ALDH9A1: variants seen among roughly 807,000 people sequenced by gnomAD.
ALDH9A1 encodes 4-trimethylaminobutyraldehyde dehydrogenase.
Under a neutral mutation model 56.6 loss-of-function variants are expected in ALDH9A1, and 42 were observed. The observed-to-expected ratio is 0.74, with a 90% CI of 0.58 to 0.96. ALDH9A1 has a LOEUF of 0.96. ALDH9A1 is among the 40% of genes least tolerant of loss of function. ALDH9A1 has a pLI of 0.00. For missense variants in ALDH9A1, 661 were observed against 651.5 expected (o/e 1.01, Z -0.16); for synonymous variants, 242 against 236.0 (o/e 1.03, Z -0.23).
Position 165,680,617 on chromosome 1 carries a change from T to C in ALDH9A1, c.659A>G (p.Tyr220Cys), listed in dbSNP as rs377384593. ...PVSALLLAEI[Y>C]SEAGVPPGLF... ...CCCAGGAGGTACACCAGCCTCACTG[T>C]AGATTTCAGCCAGTAGCAATGCAGA... The change falls in exon 5 of 11, where the codon TAC (tyrosine) becomes TGC (cysteine). Residue 220 changes from tyrosine to cysteine, a missense_variant. Transcript: ENST00000354775. The C allele has an allele frequency of 5.1e-5, 83 of 1,614,130 alleles. 1 individual carries two copies. In the South Asian group the frequency reaches 6.9e-4, roughly 13 times the overall value.
chr1:165,682,175 A>G lies in ALDH9A1; in HGVS notation c.524T>C (p.Val175Ala). The change falls in exon 4 of 11, where the codon GTG (valine) becomes GCG (alanine). Residue 175 changes from valine to alanine, a missense_variant. Physicochemically the swap from Val to Ala is moderately conservative, Grantham distance 64 (BLOSUM62 0). Transcript: ENST00000354775. Reference sequence around the variant, plus strand: ...GGGGTAGTTCCATGCTCCTATTCCCACACATACCCCAAGTGGTTCTCTTCT... The same window carrying G: ...GGGGTAGTTCCATGCTCCTATTCCCGCACATACCCCAAGTGGTTCTCTTCT... ...YTRREPLGVC[V>A]GIGAWNYPFQ... 1.9e-6 allele frequency: 3 copies of G among 1,614,006 alleles called. No individual in the cohort carries two copies. The highest frequency in any genetic ancestry group is 1.7e-6 in the Non-Finnish European group (2 of 1,179,920).
intron 2 of ALDH9A1, among the ~76,000 whole-genome samples, chr1:165,693,280 C>A (rs569465045): frequency 6.6e-6 from 1 of 152,280 alleles, no homozygotes; most frequent in South Asian, 2.1e-4. Flanking sequence ...GAACAGGCAA[C>A]CTACAGAATG....
intron 7 of ALDH9A1, 77 bp downstream of exon 7, chr1:165,669,185 T>A (rs1649097162): frequency 7.0e-7 from 1 of 1,436,694 alleles, no homozygotes; most frequent in Admixed American, 2.2e-5. Flanking sequence ...AATATTAACA[T>A]GAAAAGGGCA....
chr1:165,678,561 T>C (rs991992324), intron 6 of ALDH9A1, among the ~76,000 whole-genome samples: 16 of 152,118 alleles, frequency 1.1e-4, no homozygotes, highest in African/African-American at 3.4e-4. Flanking sequence ...ATAATAAAAA[T>C]TGTTTTCAGC....
intron 6 of ALDH9A1, among the ~76,000 whole-genome samples, chr1:165,677,238 T>A (rs1258441474): frequency 6.6e-6 from 1 of 152,060 alleles, no homozygotes; most frequent in East Asian, 1.9e-4. Context: ...CTGAATGTGG[T>A]GGTGTGCTAC....
At chr1:165,666,221 T>C (rs1489785014) in intron 9 of ALDH9A1, among the ~76,000 whole-genome samples, 3 of 152,010 alleles carry the variant, frequency 2.0e-5, no homozygotes, top group Non-Finnish European at 4.4e-5. Flanking sequence ...TAGAAAGTAG[T>C]TTAGTGGATG....
intron 3 of ALDH9A1, chr1:165,682,678 T>A: frequency 3.0e-6 from 1 of 338,906 alleles, no homozygotes; most frequent in Non-Finnish European, 5.4e-6. Context: ...ATAAAACTGG[T>A]AAATATGACA....
At chr1:165,664,668 T>A (rs112956792) in intron 10 of ALDH9A1, among the ~76,000 whole-genome samples, 4 of 152,322 alleles carry the variant, frequency 2.6e-5, no homozygotes, top group African/African-American at 9.6e-5. Context: ...ATGATGGACA[T>A]CCCTGATACA....
At chr1:165,672,937 CAAAAAATA>C (rs1231560830) in intron 6 of ALDH9A1, among the ~76,000 whole-genome samples, 29 of 140,552 alleles carry the variant, frequency 2.1e-4, no homozygotes, top group East Asian at 4.2e-4. Context: ...ATCCTGTCTC[CAAAAAATA>C]AAAAAATAAA....
chr1:165,665,605 A>G (rs1278908123), intron 9 of ALDH9A1, among the ~76,000 whole-genome samples: 1 of 152,240 alleles, frequency 6.6e-6, no homozygotes. Flanking sequence ...GATAAAAAAA[A>G]CAGAATTAGA....
At chr1:165,663,502 T>G (rs1369508728) in intron 10 of ALDH9A1, among the ~76,000 whole-genome samples, 1 of 152,232 alleles carries the variant, frequency 6.6e-6, no homozygotes, top group Non-Finnish European at 1.5e-5. Context: ...AAGCTGATGC[T>G]AATTTAAAAC....
At chr1:165,676,708 AG>A in intron 6 of ALDH9A1, 2 of 476,158 alleles carry the variant, frequency 4.2e-6, no homozygotes, top group East Asian at 6.4e-5. Context: ...TACTCCACCC[AG>A]GGAATCCCAC....
chr1:165,690,983 C>A (rs1223768824), intron 2 of ALDH9A1, among the ~76,000 whole-genome samples: 1 of 152,190 alleles, frequency 6.6e-6, no homozygotes, highest in Non-Finnish European at 1.5e-5. Context: ...ACTTAAACGT[C>A]CCTGTCTGAC....
chr1:165,670,079 T>C (rs765278797), intron 6 of ALDH9A1, among the ~76,000 whole-genome samples: 27 of 152,238 alleles, frequency 1.8e-4, no homozygotes, highest in Non-Finnish European at 2.9e-4. Flanking sequence ...AAACATAAAA[T>C]AAGATACATA....
intron 6 of ALDH9A1, among the ~76,000 whole-genome samples, chr1:165,672,972 A>AACACACACACACACAC (rs67363579): frequency 2.4e-5 from 3 of 124,226 alleles, no homozygotes; most frequent in Non-Finnish European, 3.3e-5. Context: ...AAAAAATACA[A>AACACACACACACACAC]ACACACACAC....
At position 165,663,398 on chromosome 1, in the gene ALDH9A1, G is replaced by T. The variant is rs1648904321; in HGVS notation, c.1463-254C>A. ...TCACCAATAGGAATCTTAATTTCAG[G>T]TATCTACTATTCTGGGTTGAGGTCT... On this transcript the variant is annotated intron_variant, in intron 10 of 10. Transcript: ENST00000354775. 2.0e-5 allele frequency among the ~76,000 whole-genome samples: 3 copies of T among 152,300 alleles called. No homozygotes were observed. The South Asian group carries it at 6.2e-4, about 32-fold the overall frequency.
At chr1:165,694,731 T>C (rs1361519523) in intron 2 of ALDH9A1, among the ~76,000 whole-genome samples, 2 of 151,822 alleles carry the variant, frequency 1.3e-5, no homozygotes, top group African/African-American at 4.8e-5. Flanking sequence ...CCGATGTGGG[T>C]GGATCACTTG....
At chr1:165,667,248 T>C (rs1027128907) in intron 9 of ALDH9A1, 61 bp downstream of exon 9, 60 of 1,599,486 alleles carry the variant, frequency 3.8e-5, no homozygotes, top group Middle Eastern at 1.7e-4. Flanking sequence ...CAATTAAATA[T>C]CTAAGCAGAT....
chr1:165,695,456 T>C lies in ALDH9A1; in HGVS notation c.182-59A>G, dbSNP rs550604954. The C allele has an allele frequency of 1.9e-4, 257 of 1,344,322 alleles. No individual in the cohort carries two copies. The African/African-American group carries it at 3.5e-3, about 18-fold the overall frequency. The allele number at this position is 1,344,322 out of a possible 1,614,324, so 83.3% of individuals were successfully genotyped here. A position where few individuals can be genotyped will look rare whatever the true frequency, so the allele number is the denominator to read the frequency against. On this transcript the variant is annotated intron_variant, in intron 1 of 10. Transcript: ENST00000354775. ...ATTGTTGCCACATATTTAAATAAAA[T>C]ATTATCTATCAATATTCTCTTAGTA...
Sources: allele counts gnomAD v4.1 joint callset (sites outside exome capture counted in the v4.1 genomes callset), GRCh38; gene constraint gnomAD v4.1.1; transcripts MANE v1.5; gene names NCBI Gene and HGNC (gene_info 2026-07-23, HGNC 2026-07-21).